The following NUP133 variants were observed in gnomAD, a reference collection of about 807,000 sequenced individuals.
The protein encoded by NUP133 is nuclear pore complex protein Nup133.
A neutral mutation model predicts 146.2 loss-of-function variants in NUP133; 66 were observed. The observed-to-expected ratio is 0.45, with a 90% confidence interval of 0.37 to 0.55. NUP133 has a LOEUF of 0.55. Ranked by LOEUF, NUP133 falls within the 20% of genes least tolerant of loss-of-function variation. The pLI is 0.00. For missense variants in NUP133, 1,277 were observed against 1,374.8 expected (o/e 0.93, Z 1.12); for synonymous variants, 521 against 498.8 (o/e 1.04, Z -0.59).
In NUP133 at chr1:229,466,734, C is replaced by T; in HGVS notation, c.2099G>A (p.Cys700Tyr). The change falls in exon 16 of 26, where the codon TGT becomes TAT. Residue 700 changes from cysteine (C) to tyrosine (Y), a missense_variant. Around this residue, in one of 3 missense-constraint regions of NUP133, gnomAD observed 952 missense variants for 1,047.0 expected, o/e 0.91. Coordinates refer to ENST00000261396, the MANE Select transcript of NUP133 (RefSeq NM_018230.3). ...CTCCTCATGCTCCAGTAAGCACTCA[C>T]AGATGGTATCTACTTGGGATACCTG... ...FREVSQVDTI[C>Y]ECLLEHEEQV... The T allele has an allele frequency of 1.2e-6, 2 of 1,614,032 alleles. No individual in the cohort carries two copies. Among genetic ancestry groups the T allele is most frequent in the South Asian group, 1.1e-5 (1 of 91,076 alleles).
rs200645813 is a variant in NUP133 at position 229,498,219 on chromosome 1, G to C, written c.736C>G (p.Pro246Ala). The C allele has an allele frequency of 9.4e-5, 151 of 1,613,016 alleles. No individual in the cohort carries two copies. Among genetic ancestry groups the C allele is most frequent in the Non-Finnish European group, 1.2e-5 (14 of 1,179,668 alleles). The change falls in exon 6 of 26, where the codon CCT (proline) becomes GCT (alanine). Residue 246 changes from proline to alanine, a missense_variant. Around this residue, in one of 3 missense-constraint regions of NUP133, gnomAD observed 319 missense variants for 306.9 expected, o/e 1.04. Coordinates refer to ENST00000261396, the MANE Select transcript of NUP133 (RefSeq NM_018230.3). Reference protein sequence around the residue: ...SSGKIHQHILPQGQGMLSGIG... With the variant: ...SSGKIHQHILAQGQGMLSGIG... ...CCTGAAAGCATGCCTTGCCCCTGAG[G>C]CAGGATATGCTGATGAATCTTTCCT... is the stretch of plus-strand genomic sequence containing the variant.
intron 24 of NUP133, among the ~76,000 whole-genome samples, chr1:229,446,956 C>T (rs1461838572): frequency 6.6e-6 from 1 of 151,886 alleles, no homozygotes; most frequent in Non-Finnish European, 1.5e-5. Flanking sequence ...GAAACCCTGT[C>T]TCTACTAAAA....
At chr1:229,503,000 G>C (rs1236565810) in intron 2 of NUP133, among the ~76,000 whole-genome samples, 2 of 151,664 alleles carry the variant, frequency 1.3e-5, no homozygotes, top group African/African-American at 4.9e-5. Flanking sequence ...AGGCAGGGTG[G>C]CTCACGCCTG....
chr1:229,464,449 C>T (rs1020963720), intron 18 of NUP133, among the ~76,000 whole-genome samples, 175 bp downstream of exon 18: 1 of 152,054 alleles, frequency 6.6e-6, no homozygotes, highest in Non-Finnish European at 1.5e-5. Flanking sequence ...GTACTTATAC[C>T]TAGATAGTAC....
At chr1:229,464,953 T>G (rs914939127) in intron 17 of NUP133, 78 bp from the exon 18 acceptor site, 1 of 1,532,790 alleles carries the variant, frequency 6.5e-7, no homozygotes, top group Non-Finnish European at 8.9e-7. Flanking sequence ...AGCATAAAAA[T>G]TATGCCTCTT....
chr1:229,471,132 T>C (rs1660946113), intron 14 of NUP133, among the ~76,000 whole-genome samples: 1 of 152,278 alleles, frequency 6.6e-6, no homozygotes, highest in East Asian at 1.9e-4. Flanking sequence ...TTCGTCTTTT[T>C]TGAGACAGGG....
chr1:229,449,862 T>TATAC (rs1274762160), intron 23 of NUP133, among the ~76,000 whole-genome samples: 1 of 101,214 alleles, frequency 9.9e-6, no homozygotes, highest in Admixed American at 1.0e-4. Flanking sequence ...TATATATATA[T>TATAC]ATATATATAT....
At chr1:229,473,454 G>A (rs1239813872) in intron 14 of NUP133, among the ~76,000 whole-genome samples, 2 of 152,162 alleles carry the variant, frequency 1.3e-5, no homozygotes, top group African/African-American at 2.4e-5. Context: ...GTGGAACTTC[G>A]TGAGGGTTCT....
Position 229,459,521 on chromosome 1 carries a change from C to CTG in NUP133, c.2844+1088_2844+1089dup, listed in dbSNP as rs146013427. 4.6e-5 allele frequency among the ~76,000 whole-genome samples: 7 copies of CTG among 151,976 alleles called. No individual in the cohort carries two copies. The East Asian group carries it at 1.2e-3, about 25-fold the overall frequency. On this transcript the variant is annotated intron_variant, in intron 20 of 25. Coordinates refer to ENST00000261396, the MANE Select transcript of NUP133 (RefSeq NM_018230.3). The stretch of plus-strand genomic sequence containing the variant: ...TATATGTATATGTGTATGTGTGTAC[C>CTG]TGTGTGTGTGTGCGTATAACATCCC...
intron 8 of NUP133, among the ~76,000 whole-genome samples, chr1:229,493,631 C>T (rs1355720704): frequency 6.6e-6 from 1 of 152,108 alleles, no homozygotes; most frequent in Non-Finnish European, 1.5e-5. Context: ...ATCATGAGGC[C>T]TCAAGAACAT....
chr1:229,471,524 A>C (rs1660956068), intron 14 of NUP133, among the ~76,000 whole-genome samples: 1 of 152,012 alleles, frequency 6.6e-6, no homozygotes, highest in Non-Finnish European at 1.5e-5. Context: ...CCATACCCCT[A>C]ATGCTGCTGG....
chr1:229,448,018 G>A (rs1040745554), intron 24 of NUP133, among the ~76,000 whole-genome samples: 2 of 152,180 alleles, frequency 1.3e-5, no homozygotes, highest in East Asian at 3.8e-4. Flanking sequence ...AGTCGTCCTC[G>A]CTGCTCATTA....
intron 15 of NUP133, 152 bp downstream of exon 15, chr1:229,470,428 G>A (rs748064007): frequency 3.1e-6 from 2 of 653,548 alleles, no homozygotes; most frequent in African/African-American, 1.8e-5. Context: ...TGAGACTTCT[G>A]AGTGACACTC....
chr1:229,468,760 A>G (rs1160408212), intron 15 of NUP133, among the ~76,000 whole-genome samples: 1 of 152,240 alleles, frequency 6.6e-6, no homozygotes, highest in African/African-American at 2.4e-5. Flanking sequence ...ATATAAAATT[A>G]TATATGAATA....
intron 2 of NUP133, 35 bp from the exon 3 acceptor site, chr1:229,502,137 T>C (rs770641194): frequency 5.4e-6 from 8 of 1,475,494 alleles, no homozygotes; most frequent in Middle Eastern, 1.7e-4. Context: ...ATTAATCTTA[T>C]AGTATAAATC....
At chr1:229,493,738 C>T (rs1661583094) in intron 8 of NUP133, among the ~76,000 whole-genome samples, 1 of 152,198 alleles carries the variant, frequency 6.6e-6, no homozygotes, top group Admixed American at 6.5e-5. Context: ...GTCAGCATGA[C>T]AACACTGGGG....
intron 24 of NUP133, among the ~76,000 whole-genome samples, chr1:229,446,194 G>A (rs920156996): frequency 2.6e-5 from 4 of 152,070 alleles, no homozygotes; most frequent in South Asian, 2.1e-4. Flanking sequence ...ATCACCTGAG[G>A]TTGGGAGTTT....
intron 21 of NUP133, among the ~76,000 whole-genome samples, chr1:229,453,420 C>G (rs1430461420): frequency 2.1e-5 from 3 of 140,328 alleles, no homozygotes; most frequent in Non-Finnish European, 4.4e-5. Flanking sequence ...CACCTAGTGG[C>G]ACTTCATATG....
At chr1:229,475,596 T>C (rs1386148239) in intron 14 of NUP133, 42 bp downstream of exon 14, 1 of 1,443,656 alleles carries the variant, frequency 6.9e-7, no homozygotes, top group South Asian at 1.1e-5. Flanking sequence ...TTGGAGAGAC[T>C]GCCAAAGGCA....
Sources: allele counts gnomAD v4.1 joint callset (sites outside exome capture counted in the v4.1 genomes callset), GRCh38; gene constraint gnomAD v4.1.1; regional missense constraint gnomAD v4.1.1; transcripts MANE v1.5; gene names NCBI Gene and HGNC (gene_info 2026-07-23, HGNC 2026-07-21).